The following TSPAN11 variants were observed in gnomAD, a reference collection of about 807,000 sequenced individuals.
TSPAN11 encodes tetraspanin 11.
TSPAN11 carries 29 observed loss-of-function variants against 32.9 expected under a neutral mutation model. That is an observed-to-expected ratio of 0.88 (90% CI 0.66 to 1.20). The LOEUF (loss-of-function observed/expected upper bound fraction) is 1.20. Ranked by LOEUF, TSPAN11 falls within the 50% of genes most tolerant of loss-of-function variation. The pLI is 0.00. For synonymous variants in TSPAN11, 140 were observed against 141.3 expected (o/e 0.99, Z 0.07); for missense variants, 283 against 329.1 (o/e 0.86, Z 1.08).
rs1324948586 is a variant in TSPAN11, at chr12:30,957,757, T to C, written c.84+3682T>C. The stretch of plus-strand genomic sequence containing the variant: ...CTTCCCTCCCTCCCTCCCTCCTTCC[T>C]TCCTTCCTTCCTTCCTTCCCTCCCT... On this transcript the variant is annotated intron_variant, in intron 2 of 7. Coordinates refer to ENST00000546076, the MANE Select transcript of TSPAN11 (RefSeq NM_001370302.1). Among the ~76,000 whole-genome samples the C allele has an allele frequency of 4.2e-4, 10 of 23,644 alleles. 1 individual carries two copies. Among genetic ancestry groups the C allele is most frequent in the South Asian group, 3.5e-3 (1 of 284 alleles). 15.5% of individuals were successfully genotyped at this position (23,644 alleles called of 152,430 possible). A position where few individuals can be genotyped will look rare whatever the true frequency, so the allele number is the denominator to read the frequency against.
chr12:30,973,726 T>C (rs918649281), intron 3 of TSPAN11, among the ~76,000 whole-genome samples: 1 of 152,208 alleles, frequency 6.6e-6, no homozygotes, highest in Admixed American at 6.5e-5. Flanking sequence ...GTCCTGTGAA[T>C]TCTAACTACA....
At chr12:30,978,150 G>A (rs529174163) in intron 3 of TSPAN11, among the ~76,000 whole-genome samples, 1 of 152,280 alleles carries the variant, frequency 6.6e-6, no homozygotes. Flanking sequence ...ACCACCTCCA[G>A]GAAGCCTTCT....
At chr12:30,944,649 A>G (rs1270495958) in intron 1 of TSPAN11, among the ~76,000 whole-genome samples, 1 of 152,268 alleles carries the variant, frequency 6.6e-6, no homozygotes, top group Non-Finnish European at 1.5e-5. Flanking sequence ...AGATGAATGG[A>G]TAAAGAGAAT....
intron 4 of TSPAN11, chr12:30,978,921 G>T: frequency 2.2e-6 from 1 of 455,750 alleles, no homozygotes; most frequent in African/African-American, 1.9e-5. Context: ...TGGTCTAGAG[G>T]ATGAATCCAT....
intron 2 of TSPAN11, among the ~76,000 whole-genome samples, chr12:30,959,298 G>A (rs1210472166): frequency 3.3e-5 from 5 of 152,130 alleles, no homozygotes; most frequent in Admixed American, 2.6e-4. Context: ...CACCTGCCCA[G>A]GACAGAGCAG....
chr12:30,954,069 C>A lies in TSPAN11; in HGVS notation c.78C>A (p.Phe26Leu), dbSNP rs758105550. 1 of 1,612,294 alleles carries A rather than the reference C, an allele frequency of 6.2e-7. No individual in the cohort carries two copies. Among genetic ancestry groups the A allele is most frequent in the Non-Finnish European group, 8.5e-7 (1 of 1,178,594 alleles). ...LKYLLFVFNFFFWVGGAAVLA... is the reference protein window; with the variant it reads ...LKYLLFVFNFLFWVGGAAVLA... ...ATTTACTCTTTGTCTTCAACTTCTTCTTCTGGGTGAGTGAATTCTGCACAC... is the reference window on the plus strand; with the variant it reads ...ATTTACTCTTTGTCTTCAACTTCTTATTCTGGGTGAGTGAATTCTGCACAC... Residue 26 changes from phenylalanine to leucine, a missense_variant, in exon 2 of 8, where the codon TTC (phenylalanine) becomes TTA (leucine). Coordinates refer to ENST00000546076, the MANE Select transcript of TSPAN11 (RefSeq NM_001370302.1).
At chr12:30,950,538 A>G (rs948155128) in intron 1 of TSPAN11, among the ~76,000 whole-genome samples, 1 of 152,144 alleles carries the variant, frequency 6.6e-6, no homozygotes, top group African/African-American at 2.4e-5. Flanking sequence ...ACCCCTTAGT[A>G]CCCACTGCTT....
At chr12:30,988,308 TG>T (rs1378814688) in intron 7 of TSPAN11, among the ~76,000 whole-genome samples, 1 of 152,202 alleles carries the variant, frequency 6.6e-6, no homozygotes, top group Non-Finnish European at 1.5e-5. Context: ...AATACCATTG[TG>T]GCCAGGTGCA....
At chr12:30,981,721 G>T (rs1025698602) in intron 5 of TSPAN11, among the ~76,000 whole-genome samples, 2 of 152,140 alleles carry the variant, frequency 1.3e-5, no homozygotes, top group African/African-American at 4.8e-5. Flanking sequence ...GCTACCCAAG[G>T]GTAGGCCCCA....
intron 4 of TSPAN11, 57 bp downstream of exon 4, chr12:30,978,692 G>A: frequency 1.3e-6 from 2 of 1,578,572 alleles, no homozygotes; most frequent in Non-Finnish European, 1.7e-6. Flanking sequence ...AAGCAATGTG[G>A]GTAGGGAGGT....
At chr12:30,938,511 AG>A (rs1592461798) in intron 1 of TSPAN11, among the ~76,000 whole-genome samples, 3 of 152,218 alleles carry the variant, frequency 2.0e-5, no homozygotes, top group African/African-American at 7.2e-5. Flanking sequence ...CTAGAAGATA[AG>A]CTGCTTGTCC....
intron 1 of TSPAN11, among the ~76,000 whole-genome samples, chr12:30,945,459 T>TA (rs1938247508): frequency 6.6e-6 from 1 of 152,054 alleles, no homozygotes; most frequent in Non-Finnish European, 1.5e-5. Context: ...GTCTGATTTA[T>TA]AAAAATCAGC....
chr12:30,943,475 T>C (rs1938207515), intron 1 of TSPAN11, among the ~76,000 whole-genome samples: 1 of 152,254 alleles, frequency 6.6e-6, no homozygotes, highest in Admixed American at 6.5e-5. Context: ...GCCTAGCATG[T>C]AGTTAGCATT....
At chr12:30,967,322 G>A (rs1320077524) in intron 3 of TSPAN11, among the ~76,000 whole-genome samples, 2 of 152,244 alleles carry the variant, frequency 1.3e-5, no homozygotes, top group African/African-American at 4.8e-5. Context: ...CCCAGAGCAT[G>A]TGGGAGAGAT....
chr12:31,008,862 T>C, the TSPAN11 span, among the ~76,000 whole-genome samples: 1 of 152,212 alleles, frequency 6.6e-6, no homozygotes, highest in East Asian at 1.9e-4. Flanking sequence ...GAGTTCCCTG[T>C]GCGCCATTCG....
At chr12:31,013,693 A>T in the TSPAN11 span, among the ~76,000 whole-genome samples, 1 of 152,238 alleles carries the variant, frequency 6.6e-6, no homozygotes, top group Non-Finnish European at 1.5e-5. Context: ...GGTGGTCTTG[A>T]GTGGTGGGAA....
chr12:30,971,851 A>AG (rs1289669494), intron 3 of TSPAN11, among the ~76,000 whole-genome samples: 2 of 152,066 alleles, frequency 1.3e-5, no homozygotes, highest in African/African-American at 2.4e-5. Flanking sequence ...TGTAAAAAAA[A>AG]AAAAATTGGT....
chr12:30,961,954 G>C (rs1453174327), intron 2 of TSPAN11, among the ~76,000 whole-genome samples: 2 of 152,034 alleles, frequency 1.3e-5, no homozygotes, highest in Non-Finnish European at 2.9e-5. Context: ...GGTTGTGTGA[G>C]CCGCAGATAA....
chr12:30,967,584 C>T (rs1433679055), intron 3 of TSPAN11, among the ~76,000 whole-genome samples: 2 of 152,218 alleles, frequency 1.3e-5, no homozygotes, highest in Non-Finnish European at 2.9e-5. Flanking sequence ...CTGGTGATCT[C>T]TCTGGTCCAA....
Sources: gnomAD v4.1 joint callset for allele counts (sites outside exome capture counted in the v4.1 genomes callset) on GRCh38, gnomAD v4.1.1 for gene constraint, MANE v1.5 for transcripts, NCBI Gene and HGNC (gene_info 2026-07-23, HGNC 2026-07-21) for gene names.